TRIM13: variants seen among roughly 807,000 people sequenced by gnomAD.
The protein encoded by TRIM13 is tripartite motif containing 13.
Under a neutral mutation model 27.1 loss-of-function variants are expected in TRIM13, and 15 were observed. The ratio of observed to expected loss-of-function variants is 0.55; its 90% CI spans 0.37 to 0.85. The LOEUF is 0.85. Ranked by LOEUF, TRIM13 falls within the 40% of genes least tolerant of loss-of-function variation. The pLI, the probability that TRIM13 is intolerant of heterozygous loss-of-function variation, is 0.00. For synonymous variants in TRIM13, 193 were observed against 171.5 expected (o/e 1.13, Z -0.98); for missense variants, 402 against 472.2 (o/e 0.85, Z 1.38).
rs1391977152 is a variant in TRIM13 at position 49,997,283 on chromosome 13, G to T, written c.-487G>T. 2 of 152,852 alleles carry T rather than the reference G, an allele frequency of 1.3e-5. No homozygotes were observed. Among genetic ancestry groups the T allele is most frequent in the African/African-American group, 4.8e-5 (2 of 41,468 alleles). The allele number at this position is 152,852 out of a possible 1,614,324, so 9.5% of individuals were successfully genotyped here. ...CGTCTGAGCTCCAGTCCGGCAGCGC[G>T]GCAGAAACCAGCGGGGCACTGTCAT... is the stretch of plus-strand genomic sequence containing the variant. On this transcript the variant is annotated 5_prime_UTR_variant, in exon 1 of 2. Coordinates refer to ENST00000378182, the MANE Select transcript of TRIM13 (RefSeq NM_213590.3).
chr13:50,002,560 CAAG>C (rs749855458), intron 1 of TRIM13, among the ~76,000 whole-genome samples: 1 of 151,986 alleles, frequency 6.6e-6, no homozygotes, highest in Non-Finnish European at 1.5e-5. Context: ...AGAGAAAACT[CAAG>C]AAGAATATTA....
At chr13:50,002,489 T>C (rs139862100) in intron 1 of TRIM13, among the ~76,000 whole-genome samples, 2 of 152,320 alleles carry the variant, frequency 1.3e-5, no homozygotes, top group Non-Finnish European at 2.9e-5. Context: ...AAACTCAATA[T>C]GGTTTTTTAA....
intron 1 of TRIM13, among the ~76,000 whole-genome samples, chr13:50,001,344 A>T (rs548306215): frequency 6.6e-6 from 1 of 150,890 alleles, no homozygotes; most frequent in Non-Finnish European, 1.5e-5. Flanking sequence ...TATGGTATGG[A>T]GAAGAGAATG....
chr13:50,008,196 G>A (rs1052633670), intron 1 of TRIM13, among the ~76,000 whole-genome samples: 3 of 152,016 alleles, frequency 2.0e-5, no homozygotes, highest in African/African-American at 4.8e-5. Context: ...TGAGCCACCC[G>A]TGCCCGGCCA....
In TRIM13 at chr13:50,004,863, G is replaced by A. The variant is rs528567602; in HGVS notation, c.-6-7072G>A. ...GGCCAAGGAGGGCGGATTACCTGAGGTCAGGAGTTTGAGACCAGCCTGACC... is the reference window on the plus strand; with the variant it reads ...GGCCAAGGAGGGCGGATTACCTGAGATCAGGAGTTTGAGACCAGCCTGACC... On this transcript the variant is annotated intron_variant, in intron 1 of 1. Coordinates refer to ENST00000378182, the MANE Select transcript of TRIM13 (RefSeq NM_213590.3). Among the ~76,000 whole-genome samples the A allele has an allele frequency of 4.0e-5, 6 of 151,824 alleles. No individual in the cohort carries two copies. In the South Asian group the frequency reaches 1.3e-3, roughly 32 times the overall value.
In TRIM13 at chr13:50,012,732, A is replaced by G. The variant is rs760173399; in HGVS notation, c.792A>G (p.Glu264=). 4 of 1,614,070 alleles carry G rather than the reference A, an allele frequency of 2.5e-6. No individual in the cohort carries two copies. The highest frequency in any genetic ancestry group is 3.4e-6 in the Non-Finnish European group (4 of 1,180,010). The part of the protein sequence containing the change: ...EFREKIKVIK[E]TPLPPSNLPA... The stretch of plus-strand genomic sequence containing the variant: ...GAGAGAAAATCAAAGTAATCAAGGA[A>G]ACTCCTTTACCTCCCTCTAATTTGC... The change falls in exon 2 of 2, where the codon GAA becomes GAG. Residue 264 remains glutamate, a synonymous_variant. Transcript: ENST00000378182.
chr13:50,015,082 AAAAAAAAAAAAAATATATATATATAT>A lies in TRIM13; in HGVS notation c.*1920_*1945del, dbSNP rs1876218147. 5 of 40,888 alleles carry A rather than the reference AAAAAAAAAAAAAATATATATATATAT, an allele frequency of 1.2e-4. 1 individual carries two copies. Among genetic ancestry groups the A allele is most frequent in the Non-Finnish European group, 9.7e-5 (2 of 20,514 alleles). 2.5% of individuals were successfully genotyped at this position (40,888 alleles called of 1,614,324 possible). ...CTTTTCCCCTCCCAGTAATAAAAAA[AAAAAAAAAAAAAATATATATATATAT>A]ATATATATATATATATATATATATA... is the stretch of plus-strand genomic sequence containing the variant. On this transcript the variant is annotated 3_prime_UTR_variant, in exon 2 of 2. Transcript: ENST00000378182.
In TRIM13 at chr13:50,015,025, T is replaced by C. The variant is rs1187722338; in HGVS notation, c.*1861T>C. ...AAGAAAAACGTTTAAGTCTAGCCTC[T>C]GCGTGGTAGACAGGTATGGGGAGGG... On this transcript the variant is annotated 3_prime_UTR_variant, in exon 2 of 2. Transcript: ENST00000378182. The C allele has an allele frequency of 1.3e-5, 2 of 159,134 alleles. No individual in the cohort carries two copies. Among genetic ancestry groups the C allele is most frequent in the Non-Finnish European group, 3.0e-5 (2 of 66,972 alleles). 9.9% of individuals were successfully genotyped at this position (159,134 alleles called of 1,614,324 possible).
rs1284051898 is a variant in TRIM13, at chr13:50,015,092, AAAATATATATATATATAT to A, written c.*1930_*1947del. ...CCCAGTAATAAAAAAAAAAAAAAAA[AAAATATATATATATATAT>A]ATATATATATATATATATATATATA... On this transcript the variant is annotated 3_prime_UTR_variant, in exon 2 of 2. Transcript: ENST00000378182. The A allele has an allele frequency of 3.4e-3, 79 of 23,418 alleles. 9 individuals are homozygous for A. Among genetic ancestry groups the A allele is most frequent in the African/African-American group, 3.7e-3 (22 of 5,956 alleles). 1.5% of individuals were successfully genotyped at this position (23,418 alleles called of 1,614,324 possible). A position where few individuals can be genotyped will look rare whatever the true frequency, so the allele number is the denominator to read the frequency against.
chr13:50,011,898 G>A, intron 1 of TRIM13, 37 bp from the exon 2 acceptor site: 2 of 1,551,658 alleles, frequency 1.3e-6, no homozygotes, highest in South Asian at 1.3e-5. Flanking sequence ...AGTGGTGACG[G>A]TTATTGGAGT....
chr13:50,012,932 G>T lies in TRIM13; in HGVS notation c.992G>T (p.Gly331Val). Residue 331 changes from glycine (G) to valine (V), a missense_variant, in exon 2 of 2, where the codon GGT becomes GTT. By Grantham distance (109) the Gly-to-Val change is moderately radical (BLOSUM62 -3). Transcript: ENST00000378182. Reference protein sequence around the residue: ...ILLLGLVIVFGPTMFLEWSLF... With the variant: ...ILLLGLVIVFVPTMFLEWSLF... The stretch of plus-strand genomic sequence containing the variant: ...CTGCTTGGCCTTGTCATTGTCTTTG[G>T]TCCTACCATGTTCCTAGAATGGTCA... 1 of 1,613,824 alleles carries T rather than the reference G, an allele frequency of 6.2e-7. No individual in the cohort carries two copies. The highest frequency in any genetic ancestry group is 8.5e-7 in the Non-Finnish European group (1 of 1,179,982).
Position 50,015,958 on chromosome 13 carries a change from CTTT to C in TRIM13, c.*2797_*2799del. ...CTTCAGCGCCGACCTGGAATGGTAA[CTTT>C]TTCCCTCCTCAGATGACCTTACTTC... On this transcript the variant is annotated 3_prime_UTR_variant, in exon 2 of 2. Transcript: ENST00000378182. The C allele has an allele frequency of 1.9e-6, 3 of 1,614,100 alleles. No individual in the cohort carries two copies. Among genetic ancestry groups the C allele is most frequent in the Non-Finnish European group, 2.5e-6 (3 of 1,179,970 alleles).
At position 50,014,344 on chromosome 13, in the gene TRIM13, A is replaced by AAAAAAAAAAAT. The variant is rs1555325057; in HGVS notation, c.*1181_*1182insAAAAAAAAATA. 2 of 19,718 alleles carry AAAAAAAAAAAT rather than the reference A, an allele frequency of 1.0e-4. No individual in the cohort carries two copies. The highest frequency in any genetic ancestry group is 1.7e-4 in the Non-Finnish European group (2 of 12,100). The allele number at this position is 19,718 out of a possible 1,614,324, so 1.2% of individuals were successfully genotyped here. On this transcript the variant is annotated 3_prime_UTR_variant, in exon 2 of 2. Coordinates refer to ENST00000378182, the MANE Select transcript of TRIM13 (RefSeq NM_213590.3). ...AAAAAAAAAAAAAAAAAAAAAAAAAAATATATATATATATATACACACACA... is the reference window on the plus strand; with the variant it reads ...AAAAAAAAAAAAAAAAAAAAAAAAAAAAAAAAAAAATATATATATATATATATACACACACA...
intron 1 of TRIM13, among the ~76,000 whole-genome samples, chr13:49,998,164 T>C (rs1046761353): frequency 1.8e-4 from 28 of 152,176 alleles, no homozygotes; most frequent in African/African-American, 5.8e-4. Context: ...CTCCTTCTAG[T>C]AGAACTTGAT....
chr13:50,011,915 A>AT lies in TRIM13; in HGVS notation c.-6-8dup, dbSNP rs529291103. 41,969 of 918,462 alleles carry AT rather than the reference A, an allele frequency of 0.046. 17 individuals carry two copies. The highest frequency in any genetic ancestry group is 0.06 in the South Asian group (2,960 of 49,134). The allele number at this position is 918,462 out of a possible 1,614,324, so 56.9% of individuals were successfully genotyped here. A position where few individuals can be genotyped will look rare whatever the true frequency, so the allele number is the denominator to read the frequency against. On this transcript the variant is annotated intron_variant, in intron 1 of 1. Transcript: ENST00000378182. ...TGGTGACGGTTATTGGAGTAAAATA[A>AT]TTTTTTTTTTTTCTGGTAGGATGTG...
At chr13:49,999,163 A>G (rs562997501) in intron 1 of TRIM13, among the ~76,000 whole-genome samples, 1 of 151,478 alleles carries the variant, frequency 6.6e-6, no homozygotes, top group Admixed American at 6.6e-5. Flanking sequence ...GGCGATCACT[A>G]GGTAAAACCA....
intron 1 of TRIM13, among the ~76,000 whole-genome samples, chr13:50,007,098 G>A (rs553838290): frequency 1.8e-4 from 27 of 151,844 alleles, no homozygotes; most frequent in African/African-American, 5.8e-4. Context: ...CAGAGGAACC[G>A]CTTGAACCCG....
chr13:50,009,752 A>AC (rs1341860957), intron 1 of TRIM13, among the ~76,000 whole-genome samples: 23 of 95,444 alleles, frequency 2.4e-4, no homozygotes, highest in South Asian at 1.1e-3. Flanking sequence ...AAAAAAAAAA[A>AC]AAAAAACAAC....
In TRIM13 at chr13:50,015,862, CA is replaced by C; in HGVS notation, c.*2699del. 6.2e-7 allele frequency: 1 copy of C among 1,614,068 alleles called. No homozygotes were observed. The highest frequency in any genetic ancestry group is 8.5e-7 in the Non-Finnish European group (1 of 1,179,968). On this transcript the variant is annotated 3_prime_UTR_variant, in exon 2 of 2. Transcript: ENST00000378182. ...TAAGCCGGAACACTCAAGCTTTTTT[CA>C]GGGTGTTTGGCTCTTGCAGCAAAAC...
Sources: allele counts gnomAD v4.1 joint callset (sites outside exome capture counted in the v4.1 genomes callset), GRCh38; gene constraint gnomAD v4.1.1; transcripts MANE v1.5; gene names NCBI Gene and HGNC (gene_info 2026-07-23, HGNC 2026-07-21).